MBTPS1: variants seen among roughly 807,000 people sequenced by gnomAD.
MBTPS1 encodes the protein membrane-bound transcription factor site-1 protease.
Under a neutral mutation model 127.8 loss-of-function variants are expected in MBTPS1, and 94 were observed. The ratio of observed to expected loss-of-function variants is 0.74; its 90% CI spans 0.62 to 0.87. The LOEUF (loss-of-function observed/expected upper bound fraction) is 0.87, where lower values mean the gene tolerates loss of function less well. Among genes scored for constraint, MBTPS1 ranks in the 40% least tolerant of loss-of-function variants. The pLI is 0.00. For synonymous variants in MBTPS1, 632 were observed against 509.4 expected (o/e 1.24, Z -3.24); for missense variants, 1,636 against 1,353.2 (o/e 1.21, Z -3.28).
intron 20 of MBTPS1, 160 bp from the exon 21 acceptor site, chr16:84,059,588 G>A (rs996361694): frequency 3.2e-5 from 19 of 591,330 alleles, no homozygotes; most frequent in Admixed American, 9.5e-5. Context: ...CAGGAGCCAC[G>A]CCTGATTGGT....
chr16:84,072,073 C>G (rs2085778266), intron 12 of MBTPS1: 1 of 152,254 alleles, frequency 6.6e-6, no homozygotes, highest in African/African-American at 2.4e-5. Context: ...AGCCAAATGC[C>G]CAGCAAGAGA....
intron 10 of MBTPS1, among the ~76,000 whole-genome samples, chr16:84,082,454 C>A (rs754704488): frequency 1.1e-4 from 17 of 152,184 alleles, no homozygotes; most frequent in Non-Finnish European, 1.3e-4. Flanking sequence ...CCTTTCAGAA[C>A]GACATAGACC....
intron 21 of MBTPS1, chr16:84,056,623 C>T (rs548659914): frequency 7.9e-5 from 12 of 152,784 alleles, no homozygotes; most frequent in African/African-American, 2.9e-4. Context: ...GCATCTTTGT[C>T]TCTGAAGAAA....
At chr16:84,093,903 T>C (rs1007948855) in intron 4 of MBTPS1, 82 bp from the exon 5 acceptor site, 3 of 985,048 alleles carry the variant, frequency 3.0e-6, no homozygotes, top group Non-Finnish European at 3.2e-6. Flanking sequence ...CATTCCTTCC[T>C]GGGACCCACA....
At chr16:84,070,106 A>T (rs763362501) in intron 13 of MBTPS1, 68 bp from the exon 14 acceptor site, 32 of 1,299,564 alleles carry the variant, frequency 2.5e-5, no homozygotes, top group Non-Finnish European at 3.2e-5. Context: ...GTTTGAAAAC[A>T]TCATTTCTAT....
intron 11 of MBTPS1, among the ~76,000 whole-genome samples, chr16:84,078,688 G>A (rs1030420788): frequency 2.0e-5 from 3 of 152,238 alleles, no homozygotes; most frequent in African/African-American, 7.2e-5. Flanking sequence ...TTAAACGATT[G>A]TACATTCACA....
intron 8 of MBTPS1, among the ~76,000 whole-genome samples, chr16:84,090,086 C>A (rs911374051): frequency 6.6e-6 from 1 of 152,202 alleles, no homozygotes; most frequent in Non-Finnish European, 1.5e-5. Context: ...CCAATATTCA[C>A]GTTTTCTGAT....
Position 84,069,900 on chromosome 16 carries a change from C to T in MBTPS1, c.1921G>A (p.Asp641Asn). The T allele has an allele frequency of 1.2e-6, 2 of 1,614,094 alleles. No homozygotes were observed. The highest frequency in any genetic ancestry group is 1.7e-6 in the Non-Finnish European group (2 of 1,180,012). ...LRYPPGYFPR[D>N]NLRMKNDPLD... is the part of the protein sequence containing the mutation. ...GGGTCATTCTTCATCCTTAAATTATCCCTGGGGAAATAGCCAGGTGGATAG... is the reference window on the plus strand; with the variant it reads ...GGGTCATTCTTCATCCTTAAATTATTCCTGGGGAAATAGCCAGGTGGATAG... The change falls in exon 14 of 23, where the codon GAT (aspartate) becomes AAT (asparagine). Residue 641 changes from aspartate to asparagine, a missense_variant. Transcript: ENST00000343411.
At chr16:84,114,576 A>G (rs1217131951) in intron 1 of MBTPS1, among the ~76,000 whole-genome samples, 1 of 151,512 alleles carries the variant, frequency 6.6e-6, no homozygotes, top group Non-Finnish European at 1.5e-5. Flanking sequence ...CACGCCTGTA[A>G]TCCCAGCACT....
At chr16:84,116,366 T>A (rs1235778824) in intron 1 of MBTPS1, among the ~76,000 whole-genome samples, 1 of 152,194 alleles carries the variant, frequency 6.6e-6, no homozygotes, top group Admixed American at 6.5e-5. Context: ...CAGACCGAGA[T>A]AAGGCAAAGA....
chr16:84,086,075 AG>A (rs1186417756), intron 9 of MBTPS1: 1 of 152,242 alleles, frequency 6.6e-6, no homozygotes, highest in Non-Finnish European at 1.5e-5. Flanking sequence ...AGAAAACAGG[AG>A]CCCAATTTGA....
At chr16:84,081,105 T>C (rs2085933680) in intron 11 of MBTPS1, among the ~76,000 whole-genome samples, 1 of 152,254 alleles carries the variant, frequency 6.6e-6, no homozygotes, top group Admixed American at 6.5e-5. Flanking sequence ...TCAGCAGTGC[T>C]ACATCAAGGT....
chr16:84,060,760 G>A lies in MBTPS1; in HGVS notation c.2626C>T (p.Pro876Ser), dbSNP rs758001912. The change falls in exon 20 of 23, where the codon CCG becomes TCG. Residue 876 changes from proline to serine, a missense_variant. Coordinates refer to ENST00000343411, the MANE Select transcript of MBTPS1 (RefSeq NM_003791.4). ...TTCCCAGAGTGACTGAGGCTAGGCG[G>A]TGTCACCCCATACGATGTGTACTGG... Reference protein sequence around the residue: ...LLQYTSYGVTPPSLSHSGNRQ... With the variant: ...LLQYTSYGVTSPSLSHSGNRQ... 3.7e-6 allele frequency: 6 copies of A among 1,609,608 alleles called. No individual in the cohort carries two copies. In the East Asian group the frequency reaches 8.9e-5, roughly 24 times the overall value.
chr16:84,086,820 G>A (rs1344408615), intron 9 of MBTPS1, among the ~76,000 whole-genome samples: 1 of 152,190 alleles, frequency 6.6e-6, no homozygotes, highest in Admixed American at 6.5e-5. Context: ...GACAGGTAAA[G>A]GTGGGTGAAT....
rs772789685 is a variant in MBTPS1, at chr16:84,068,468, G to A, written c.1956-14C>T. The A allele has an allele frequency of 6.6e-7, 1 of 1,520,428 alleles. No individual in the cohort carries two copies. The highest frequency in any genetic ancestry group is 1.1e-5 in the South Asian group (1 of 89,222). The allele number at this position is 1,520,428 out of a possible 1,614,324, so 94.2% of individuals were successfully genotyped here. On this transcript the variant is annotated splice_polypyrimidine_tract_variant and intron_variant, in intron 14 of 22. Transcript: ENST00000343411. ...TGATCACCATTCCTGAAAAACAATAGGCCACAGCATTAAAATGATCGATCT... is the reference window on the plus strand; with the variant it reads ...TGATCACCATTCCTGAAAAACAATAAGCCACAGCATTAAAATGATCGATCT...
chr16:84,083,441 G>T (rs1466844854), intron 10 of MBTPS1, among the ~76,000 whole-genome samples: 1 of 151,952 alleles, frequency 6.6e-6, no homozygotes, highest in Non-Finnish European at 1.5e-5. Context: ...AAGGAGGAAA[G>T]AGATGGATAT....
chr16:84,056,902 C>T (rs1020194152), intron 21 of MBTPS1: 19 of 152,240 alleles, frequency 1.2e-4, no homozygotes, highest in Admixed American at 9.8e-4. Flanking sequence ...GACACCGGAG[C>T]TAGAGCGAAG....
Position 84,054,003 on chromosome 16 carries a change from CA to C in MBTPS1, c.*445del, listed in dbSNP as rs765279890. On this transcript the variant is annotated 3_prime_UTR_variant, in exon 23 of 23. Transcript: ENST00000343411. Reference sequence around the variant, plus strand: ...TAGTAAAAAAACTGCATTCCACTGACAAAAAAAATAGCTTTGCTTCCAAATA... The same window carrying C: ...TAGTAAAAAAACTGCATTCCACTGACAAAAAAATAGCTTTGCTTCCAAATA... 7.1e-5 allele frequency: 11 copies of C among 155,086 alleles called. No individual in the cohort carries two copies. The highest frequency in any genetic ancestry group is 1.3e-4 in the Non-Finnish European group (9 of 68,788). The allele number at this position is 155,086 out of a possible 1,614,324, so 9.6% of individuals were successfully genotyped here.
chr16:84,070,579 T>G lies in MBTPS1; in HGVS notation c.1782+9A>C, dbSNP rs1345935928. 1.9e-6 allele frequency: 3 copies of G among 1,609,776 alleles called. No individual in the cohort carries two copies. The African/African-American group carries it at 4.0e-5, about 22-fold the overall frequency. On this transcript the variant is annotated intron_variant, in intron 13 of 22. Coordinates refer to ENST00000343411, the MANE Select transcript of MBTPS1 (RefSeq NM_003791.4). The stretch of plus-strand genomic sequence containing the variant: ...TAAGAAAACAAGCCACTTTCCCGCA[T>G]ATCCCTACCTCTGTCTCTGCTGGGG...
Sources: allele counts gnomAD v4.1 joint callset (sites outside exome capture counted in the v4.1 genomes callset), GRCh38; gene constraint gnomAD v4.1.1; transcripts MANE v1.5; gene names NCBI Gene and HGNC (gene_info 2026-07-23, HGNC 2026-07-21).